NFIA: variants seen among roughly 807,000 people sequenced by gnomAD.
NFIA encodes the protein nuclear factor 1 A-type.
Under a neutral mutation model 62.8 loss-of-function variants are expected in NFIA, and 8 were observed. The observed-to-expected ratio is 0.13, with a 90% CI of 0.07 to 0.23. The LOEUF (loss-of-function observed/expected upper bound fraction) is 0.23, where lower values mean the gene tolerates loss of function less well. Ranked by LOEUF, NFIA falls within the 10% of genes least tolerant of loss-of-function variation. NFIA has a pLI of 1.00. For synonymous variants in NFIA, 235 were observed against 238.1 expected (o/e 0.99, Z 0.12); for missense variants, 410 against 642.1 (o/e 0.64, Z 3.91).
chr1:61,180,882 A>ATT (rs1166519763), intron 2 of NFIA, among the ~76,000 whole-genome samples: 1 of 152,208 alleles, frequency 6.6e-6, no homozygotes, highest in Admixed American at 6.5e-5. Flanking sequence ...CAACCTCACT[A>ATT]TAGTACAGGA....
At chr1:61,214,279 T>C (rs902584250) in intron 2 of NFIA, among the ~76,000 whole-genome samples, 1 of 152,000 alleles carries the variant, frequency 6.6e-6, no homozygotes, top group African/African-American at 2.4e-5. Flanking sequence ...AAGTTGCTTT[T>C]CCAGTTTGGA....
intron 7 of NFIA, among the ~76,000 whole-genome samples, chr1:61,396,272 G>A (rs999701871): frequency 6.6e-6 from 1 of 152,046 alleles, no homozygotes; most frequent in Non-Finnish European, 1.5e-5. Flanking sequence ...TAGATATAGG[G>A]TCTTGCTCTG....
chr1:61,286,165 C>T (rs759749749), intron 3 of NFIA, among the ~76,000 whole-genome samples: 2 of 151,996 alleles, frequency 1.3e-5, no homozygotes, highest in East Asian at 1.9e-4. Context: ...GGATGGCTCA[C>T]GCCTGTAATC....
intron 3 of NFIA, among the ~76,000 whole-genome samples, chr1:61,323,789 C>T (rs1444635718): frequency 1.3e-5 from 2 of 152,140 alleles, no homozygotes; most frequent in African/African-American, 4.8e-5. Flanking sequence ...TACCAAATAA[C>T]AGTATCATAA....
At chr1:61,240,439 C>T (rs1655276303) in intron 2 of NFIA, among the ~76,000 whole-genome samples, 1 of 151,898 alleles carries the variant, frequency 6.6e-6, no homozygotes, top group Non-Finnish European at 1.5e-5. Flanking sequence ...GGCTTTATCA[C>T]CGTATTTATG....
intron 2 of NFIA, among the ~76,000 whole-genome samples, chr1:61,199,298 C>T (rs1233316864): frequency 1.3e-5 from 2 of 152,000 alleles, no homozygotes; most frequent in African/African-American, 2.4e-5. Context: ...TCGTGCAAAG[C>T]AAAAAAGACA....
intron 10 of NFIA, among the ~76,000 whole-genome samples, chr1:61,428,382 A>ATAAT (rs751294775): frequency 1.5e-5 from 2 of 135,940 alleles, no homozygotes; most frequent in African/African-American, 5.4e-5. Context: ...CTGGAACTGA[A>ATAAT]TTTTTTTTTT....
intron 2 of NFIA, among the ~76,000 whole-genome samples, chr1:61,183,015 C>A (rs1650860483): frequency 6.6e-6 from 1 of 152,000 alleles, no homozygotes; most frequent in Non-Finnish European, 1.5e-5. Context: ...CTTCCTTTAT[C>A]CTAATTAGAG....
At chr1:61,101,475 A>AT (rs1264427985) in intron 2 of NFIA, among the ~76,000 whole-genome samples, 11 of 151,662 alleles carry the variant, frequency 7.3e-5, no homozygotes, top group South Asian at 2.1e-4. Flanking sequence ...GAAAAGTTCT[A>AT]TTTTTTTTAA....
chr1:61,417,265 T>TTGTGTGTG (rs5774557), intron 9 of NFIA, among the ~76,000 whole-genome samples: 21 of 139,186 alleles, frequency 1.5e-4, no homozygotes, highest in East Asian at 4.2e-4. Context: ...TTCCTCATCT[T>TTGTGTGTG]TGTGTGTGTG....
upstream of NFIA, among the ~76,000 whole-genome samples, chr1:61,079,436 G>C (rs1646069413): frequency 6.6e-6 from 1 of 152,180 alleles, no homozygotes; most frequent in Non-Finnish European, 1.5e-5. Context: ...TTTCACTAAA[G>C]CTGGCAAGGT....
chr1:61,434,888 C>T (rs1284918819), intron 10 of NFIA, among the ~76,000 whole-genome samples: 2 of 151,970 alleles, frequency 1.3e-5, no homozygotes, highest in Non-Finnish European at 2.9e-5. Flanking sequence ...ATCTGCTATC[C>T]ATTAAATTAG....
intron 2 of NFIA, among the ~76,000 whole-genome samples, chr1:61,126,328 A>G (rs1206111433): frequency 6.6e-6 from 1 of 152,036 alleles, no homozygotes; most frequent in Non-Finnish European, 1.5e-5. Context: ...CGGCCTCAGG[A>G]GGATCACAGA....
chr1:61,191,283 G>A (rs187333100), intron 2 of NFIA, among the ~76,000 whole-genome samples: 3 of 152,178 alleles, frequency 2.0e-5, no homozygotes, highest in Admixed American at 2.0e-4. Flanking sequence ...AAAAATACGG[G>A]TAAGTAAAAG....
intron 3 of NFIA, among the ~76,000 whole-genome samples, chr1:61,313,581 C>T (rs750512104): frequency 2.4e-4 from 37 of 152,266 alleles, no homozygotes; most frequent in Non-Finnish European, 4.9e-4. Context: ...TTGGGGATTA[C>T]AGTTCAACAT....
intron 9 of NFIA, among the ~76,000 whole-genome samples, chr1:61,413,843 G>A (rs1480715518): frequency 6.6e-6 from 1 of 151,748 alleles, no homozygotes; most frequent in East Asian, 1.9e-4. Context: ...GGCCAGGCTG[G>A]TCTCGAACTC....
intron 2 of NFIA, among the ~76,000 whole-genome samples, chr1:61,180,968 C>A (rs1650721888): frequency 6.6e-6 from 1 of 152,308 alleles, no homozygotes; most frequent in African/African-American, 2.4e-5. Context: ...GTTGACTCTT[C>A]TCAATGACGG....
chr1:61,131,464 G>A (rs192278721), intron 2 of NFIA, among the ~76,000 whole-genome samples: 1 of 152,212 alleles, frequency 6.6e-6, no homozygotes, highest in African/African-American at 2.4e-5. Context: ...GTGGACAGTA[G>A]GAACAAGGCA....
At chr1:61,330,949 A>G (rs1661268957) in intron 3 of NFIA, among the ~76,000 whole-genome samples, 1 of 152,182 alleles carries the variant, frequency 6.6e-6, no homozygotes, top group South Asian at 2.1e-4. Flanking sequence ...GTCTCCCTAT[A>G]AGAAAGAGAT....
Sources: allele counts gnomAD v4.1 joint callset (sites outside exome capture counted in the v4.1 genomes callset), GRCh38; gene constraint gnomAD v4.1.1; transcripts MANE v1.5; gene names NCBI Gene and HGNC (gene_info 2026-07-23, HGNC 2026-07-21).